Variants in PPP1R2 observed in about 807,000 individuals in gnomAD.
PPP1R2 encodes the protein protein phosphatase inhibitor 2.
In PPP1R2, 16 loss-of-function variants were observed where a neutral mutation model predicts 29.9. That is an observed-to-expected ratio of 0.53 (90% confidence interval 0.36 to 0.81). The LOEUF is 0.81. Among genes scored for constraint, PPP1R2 ranks in the 30% least tolerant of loss-of-function variants. PPP1R2 has a pLI of 0.00. For missense variants in PPP1R2, 197 were observed against 252.7 expected (o/e 0.78, Z 1.49); for synonymous variants, 76 against 91.5 (o/e 0.83, Z 0.96).
intron 2 of PPP1R2, chr3:195,527,752 A>G (rs1290450944): frequency 5.5e-6 from 1 of 181,224 alleles, no homozygotes; most frequent in Admixed American, 5.9e-5. Context: ...GCCCATAGTC[A>G]GCTACCTGGG....
At chr3:195,522,691 T>C (rs925180182) in intron 4 of PPP1R2, among the ~76,000 whole-genome samples, 2 of 152,212 alleles carry the variant, frequency 1.3e-5, no homozygotes, top group Non-Finnish European at 2.9e-5. Flanking sequence ...AAAATTTCTC[T>C]CGTACAAATA....
chr3:195,530,942 C>G (rs1719157284), intron 1 of PPP1R2, among the ~76,000 whole-genome samples: 1 of 152,100 alleles, frequency 6.6e-6, no homozygotes, highest in Non-Finnish European at 1.5e-5. Flanking sequence ...CCTGCCTCAG[C>G]CTCCTGAGTA....
At position 195,543,298 on chromosome 3, in the gene PPP1R2, C is replaced by A; in HGVS notation, c.-273G>T. On this transcript the variant is annotated 5_prime_UTR_variant, in exon 1 of 6. Transcript: ENST00000618156. ...GCGGAGAGACGCCGGCCTAGAGCTC[C>A]AGCGCAGGAGCGACGCGACGCCGAA... The A allele has an allele frequency of 3.2e-6, 1 of 316,464 alleles. No individual in the cohort carries two copies. Among genetic ancestry groups the A allele is most frequent in the Non-Finnish European group, 5.8e-6 (1 of 171,620 alleles). 19.6% of individuals were successfully genotyped at this position (316,464 alleles called of 1,614,324 possible).
At chr3:195,529,700 A>G (rs973708369) in intron 2 of PPP1R2, 94 bp downstream of exon 2, 5 of 895,076 alleles carry the variant, frequency 5.6e-6, no homozygotes, top group Non-Finnish European at 8.4e-6. Flanking sequence ...CAAATCTACA[A>G]TAAAACAAAT....
intron 1 of PPP1R2, among the ~76,000 whole-genome samples, chr3:195,539,865 T>A (rs1719528911): frequency 6.6e-6 from 1 of 152,188 alleles, no homozygotes. Flanking sequence ...TCACTTTAAG[T>A]GGACATTGAG....
intron 5 of PPP1R2, among the ~76,000 whole-genome samples, 179 bp from the exon 6 acceptor site, chr3:195,517,121 C>G (rs574071322): frequency 1.2e-4 from 19 of 152,084 alleles, no homozygotes; most frequent in Non-Finnish European, 2.4e-4. Context: ...CCTAAATAGT[C>G]TAAAGAACAG....
chr3:195,524,672 G>GAAAAAAGGAA, intron 3 of PPP1R2, 147 bp downstream of exon 3: 1 of 692,978 alleles, frequency 1.4e-6, no homozygotes, highest in Non-Finnish European at 2.4e-6. Flanking sequence ...AAAAAAGGGG[G>GAAAAAAGGAA]AAAAAAGGAA....
Position 195,543,073 on chromosome 3 carries a change from T to C in PPP1R2, c.-48A>G. The C allele has an allele frequency of 6.4e-7, 1 of 1,570,810 alleles. No homozygotes were observed. ...CTCAGGGTCGCTGCTTGGCGTGGGG[T>C]CCGCGAAGAGAAGGGTCGGCACAGC... On this transcript the variant is annotated 5_prime_UTR_variant, in exon 1 of 6. Transcript: ENST00000618156.
chr3:195,533,409 G>T (rs141321327), intron 1 of PPP1R2, among the ~76,000 whole-genome samples: 7 of 151,298 alleles, frequency 4.6e-5, no homozygotes, highest in African/African-American at 1.7e-4. Context: ...TGTTGCTCCA[G>T]TAAATTGCCT....
At chr3:195,531,432 C>G (rs1719175274) in intron 1 of PPP1R2, among the ~76,000 whole-genome samples, 1 of 152,132 alleles carries the variant, frequency 6.6e-6, no homozygotes, top group Non-Finnish European at 1.5e-5. Context: ...CTGAAATACC[C>G]TTTAAGAATA....
chr3:195,535,679 A>C (rs75082104), intron 1 of PPP1R2, among the ~76,000 whole-genome samples: 8,340 of 152,214 alleles, frequency 0.055, 307 homozygotes, highest in South Asian at 0.17. Context: ...TATGTAGAAG[A>C]AGCAAAGCCA....
In PPP1R2 at chr3:195,524,863, G is replaced by A; in HGVS notation, c.264C>T (p.Asp88=). The stretch of plus-strand genomic sequence containing the variant: ...GCGCCATGGCTTCAGTGGCCTCGGT[G>A]TCACTACAGGCATCTTCATCATCCC... ...MMGDDEDACS[D]TEATEAMAPD... is the part of the protein sequence containing the mutation. Residue 88 remains aspartate (D), a synonymous_variant, in exon 3 of 6, where the codon GAC becomes GAT. Transcript: ENST00000618156. The A allele has an allele frequency of 6.2e-7, 1 of 1,614,076 alleles. No individual in the cohort carries two copies. Among genetic ancestry groups the A allele is most frequent in the East Asian group, 2.2e-5 (1 of 44,882 alleles).
At chr3:195,540,260 C>A (rs1000154657) in intron 1 of PPP1R2, among the ~76,000 whole-genome samples, 1 of 152,138 alleles carries the variant, frequency 6.6e-6, no homozygotes, top group African/African-American at 2.4e-5. Context: ...TCAAACAAGG[C>A]GACGCTCTGC....
At chr3:195,539,947 A>G (rs895661272) in intron 1 of PPP1R2, among the ~76,000 whole-genome samples, 2 of 152,212 alleles carry the variant, frequency 1.3e-5, no homozygotes, top group Non-Finnish European at 2.9e-5. Flanking sequence ...GTATGTTTGA[A>G]TTCTATTTTT....
chr3:195,540,325 G>T (rs1719547651), intron 1 of PPP1R2, among the ~76,000 whole-genome samples: 1 of 152,124 alleles, frequency 6.6e-6, no homozygotes, highest in African/African-American at 2.4e-5. Context: ...GGCCTATTTA[G>T]GGTCCTTTCC....
In PPP1R2 at chr3:195,514,557, C is replaced by A. The variant is rs747160959; in HGVS notation, c.*2339G>T. ...TTCAACTGAAAGTTACCTTAACAAT[C>A]CATTTACACCATTATGTCAAATTTT... On this transcript the variant is annotated 3_prime_UTR_variant, in exon 6 of 6. Coordinates refer to ENST00000618156, the MANE Select transcript of PPP1R2 (RefSeq NM_006241.8). 1 of 152,164 alleles carries A rather than the reference C, an allele frequency of 6.6e-6. No homozygotes were observed. Among genetic ancestry groups the A allele is most frequent in the Non-Finnish European group, 1.5e-5 (1 of 68,022 alleles). The allele number at this position is 152,164 out of a possible 1,614,324, so 9.4% of individuals were successfully genotyped here.
chr3:195,539,102 A>C (rs2108955354), intron 1 of PPP1R2, among the ~76,000 whole-genome samples: 1 of 152,258 alleles, frequency 6.6e-6, no homozygotes, highest in East Asian at 1.9e-4. Context: ...TTATAATCAT[A>C]GCTGGCAGTA....
intron 1 of PPP1R2, among the ~76,000 whole-genome samples, chr3:195,539,307 A>G (rs565757270): frequency 5.5e-4 from 84 of 152,364 alleles, no homozygotes; most frequent in South Asian, 3.7e-3. Context: ...GCTGTGGTGC[A>G]ATGTACTGAG....
intron 1 of PPP1R2, among the ~76,000 whole-genome samples, chr3:195,532,441 C>T (rs1216622652): frequency 6.6e-6 from 1 of 152,092 alleles, no homozygotes. Flanking sequence ...TCACACTCTT[C>T]TGGGACTGAA....
Sources: allele counts gnomAD v4.1 joint callset (sites outside exome capture counted in the v4.1 genomes callset), GRCh38; gene constraint gnomAD v4.1.1; transcripts MANE v1.5; gene names NCBI Gene and HGNC (gene_info 2026-07-23, HGNC 2026-07-21).